The following SASH1 variants were observed in gnomAD, a reference collection of about 807,000 sequenced individuals.
SASH1 encodes SAM and SH3 domain containing 1, also known as SAM and SH3 domain-containing protein 1.
A neutral mutation model predicts 125.2 loss-of-function variants in SASH1; 44 were observed. That is an observed-to-expected ratio of 0.35 (90% CI 0.28 to 0.45). SASH1 has a LOEUF of 0.45. Among genes scored for constraint, SASH1 ranks in the 20% least tolerant of loss-of-function variants. SASH1 has a pLI of 1.00. For missense variants in SASH1, 1,426 were observed against 1,614.5 expected (o/e 0.88, Z 2.00); for synonymous variants, 639 against 649.1 (o/e 0.98, Z 0.24).
At chr6:148,447,948 G>T (rs1023665637) in intron 4 of SASH1, among the ~76,000 whole-genome samples, 17 of 152,036 alleles carry the variant, frequency 1.1e-4, no homozygotes, top group African/African-American at 4.1e-4. Context: ...ACCCCCCGCT[G>T]CCCACTCCCC....
intron 2 of SASH1, among the ~76,000 whole-genome samples, chr6:148,423,603 A>G (rs1775668652): frequency 6.6e-6 from 1 of 152,222 alleles, no homozygotes; most frequent in African/African-American, 2.4e-5. Flanking sequence ...CAATCTGCAT[A>G]CTAATCAGTT....
the SASH1 span, among the ~76,000 whole-genome samples, chr6:148,196,971 G>A: frequency 1.3e-5 from 2 of 152,216 alleles, no homozygotes; most frequent in Non-Finnish European, 2.9e-5. Context: ...ATACTGCTGA[G>A]TGATTGAACA....
intron 1 of SASH1, among the ~76,000 whole-genome samples, chr6:148,354,669 C>T (rs1781857391): frequency 1.3e-5 from 2 of 152,160 alleles, no homozygotes; most frequent in African/African-American, 4.8e-5. Flanking sequence ...AACTTGACCA[C>T]ACATTTCAGC....
chr6:148,523,149 G>C (rs1383834176), intron 10 of SASH1, among the ~76,000 whole-genome samples: 1 of 152,180 alleles, frequency 6.6e-6, no homozygotes, highest in Non-Finnish European at 1.5e-5. Flanking sequence ...TATTTCATAT[G>C]TATCAGAAAT....
chr6:148,534,604 G>T (rs979440951), intron 15 of SASH1, 147 bp from the exon 16 acceptor site: 2 of 787,450 alleles, frequency 2.5e-6, no homozygotes, highest in Admixed American at 1.9e-5. Context: ...GGATGTACAG[G>T]ATCCATTGCA....
intron 1 of SASH1, among the ~76,000 whole-genome samples, chr6:148,387,490 TTC>T (rs1346059435): frequency 6.7e-6 from 1 of 148,418 alleles, no homozygotes; most frequent in African/African-American, 2.5e-5. Context: ...TTCCCTTCCC[TTC>T]TCTCTTCTCT....
chr6:148,264,257 T>G, the SASH1 span, among the ~76,000 whole-genome samples: 1 of 150,860 alleles, frequency 6.6e-6, no homozygotes, highest in African/African-American at 2.4e-5. Flanking sequence ...GGTCTATATA[T>G]CTATATCTCT....
intron 8 of SASH1, chr6:148,512,724 G>C (rs1780216435): frequency 1.0e-6 from 1 of 985,106 alleles, no homozygotes; most frequent in African/African-American, 1.7e-5. Context: ...TTTATTACTA[G>C]GTAACCAGTA....
chr6:148,252,987 G>A, the SASH1 span, among the ~76,000 whole-genome samples: 1 of 152,154 alleles, frequency 6.6e-6, no homozygotes, highest in East Asian at 1.9e-4. Context: ...GGCACAGGGG[G>A]ACTAGCCCGT....
At chr6:148,393,178 C>G (rs1783802140) in intron 2 of SASH1, among the ~76,000 whole-genome samples, 1 of 150,534 alleles carries the variant, frequency 6.6e-6, no homozygotes, top group Non-Finnish European at 1.5e-5. Context: ...TCCCGAGTAG[C>G]TGGGATTACA....
chr6:148,342,864 C>T lies in SASH1; in HGVS notation c.-204C>T. 1 of 216,814 alleles carries T rather than the reference C, an allele frequency of 4.6e-6. No individual in the cohort carries two copies. The highest frequency in any genetic ancestry group is 7.9e-6 in the Non-Finnish European group (1 of 127,022). 13.4% of individuals were successfully genotyped at this position (216,814 alleles called of 1,614,324 possible). A position where few individuals can be genotyped will look rare whatever the true frequency, so the allele number is the denominator to read the frequency against. On this transcript the variant is annotated 5_prime_UTR_variant, in exon 1 of 20. Transcript: ENST00000367467. ...GGAAAGTTTCTGGAGTTGTCAGTCG[C>T]GCAGCCCGTGGCCACCTAGACCCGA... is the stretch of plus-strand genomic sequence containing the variant.
intron 4 of SASH1, among the ~76,000 whole-genome samples, chr6:148,461,304 C>T (rs1777603152): frequency 1.3e-5 from 2 of 152,004 alleles, no homozygotes; most frequent in Admixed American, 1.3e-4. Flanking sequence ...TAAAGGTGAC[C>T]CTGTAACAAA....
chr6:148,519,333 TAAA>T lies in SASH1; in HGVS notation c.863-213_863-211del, dbSNP rs1196940550. Among the ~76,000 whole-genome samples the T allele has an allele frequency of 1.3e-5, 2 of 152,212 alleles. No homozygotes were observed. The highest frequency in any genetic ancestry group is 4.8e-5 in the African/African-American group (2 of 41,456). On this transcript the variant is annotated intron_variant, in intron 9 of 19. Transcript: ENST00000367467. The surrounding 1 kb of genome is among the most constrained non-coding windows in gnomAD (Gnocchi z 4.8). ...AAGGTGTTAGGTCTACAAAGATATT[TAAA>T]GAAGAAGAAAACACATCTGAATCCT...
At chr6:148,439,806 G>C (rs140662157) in intron 2 of SASH1, among the ~76,000 whole-genome samples, 21 of 152,054 alleles carry the variant, frequency 1.4e-4, no homozygotes, top group African/African-American at 4.8e-4. Context: ...TGGAAGTCTA[G>C]TGTCGTTGGA....
At chr6:148,456,605 A>G (rs149969327) in intron 4 of SASH1, among the ~76,000 whole-genome samples, 929 of 152,304 alleles carry the variant, frequency 6.1e-3, no homozygotes, top group Non-Finnish European at 9.1e-3. Flanking sequence ...TCATGCCTGT[A>G]ATCCAAGGAC....
At position 148,440,189 on chromosome 6, in the gene SASH1, A is replaced by G; in HGVS notation, c.291A>G (p.Lys97=). The stretch of plus-strand genomic sequence containing the variant: ...TGGCATCTGTTCTGTTTTAGGAGAA[A>G]CCCGATGCTAGCCCCACGTCACTTC... ...RRVSQDLEVE[K]PDASPTSLQL... The change falls in exon 3 of 20, where the codon AAA becomes AAG. Residue 97 remains lysine (K), a synonymous_variant. Coordinates refer to ENST00000367467, the MANE Select transcript of SASH1 (RefSeq NM_015278.5). 1 of 1,613,844 alleles carries G rather than the reference A, an allele frequency of 6.2e-7. No individual in the cohort carries two copies. Among genetic ancestry groups the G allele is most frequent in the Non-Finnish European group, 8.5e-7 (1 of 1,179,992 alleles).
intron 16 of SASH1, 70 bp from the exon 17 acceptor site, chr6:148,540,373 A>C: frequency 2.5e-6 from 3 of 1,191,626 alleles, no homozygotes; most frequent in Non-Finnish European, 3.7e-6. Flanking sequence ...GATAAAGTCG[A>C]GATCTGTTGA....
chr6:148,513,779 T>C (rs1486399351), intron 8 of SASH1: 2 of 985,770 alleles, frequency 2.0e-6, no homozygotes, highest in Non-Finnish European at 2.4e-6. Context: ...CTGGCTGCAA[T>C]GTGGCAGACA....
intron 1 of SASH1, among the ~76,000 whole-genome samples, chr6:148,277,580 T>G (rs1397993840): frequency 6.6e-6 from 1 of 152,190 alleles, no homozygotes; most frequent in Admixed American, 6.5e-5. Context: ...TCTACAAAAA[T>G]TCTTTCCGAA....
Sources: gnomAD v4.1 joint callset for allele counts (sites outside exome capture counted in the v4.1 genomes callset) on GRCh38, gnomAD v4.1.1 for gene constraint, Gnocchi (gnomAD v3.1) non-coding constraint, MANE v1.5 for transcripts, NCBI Gene and HGNC (gene_info 2026-07-23, HGNC 2026-07-21) for gene names.